The following PCP4L1 variants were observed in gnomAD, a reference collection of about 807,000 sequenced individuals.
PCP4L1 encodes Purkinje cell protein 4-like protein 1.
A neutral mutation model predicts 9.6 loss-of-function variants in PCP4L1; 9 were observed. That is an observed-to-expected ratio of 0.94 (90% CI 0.57 to 1.64). The LOEUF is 1.64. PCP4L1 is among the 40% of genes most tolerant of loss of function. The pLI is 0.00. For synonymous variants in PCP4L1, 31 were observed against 28.2 expected, an observed-to-expected ratio of 1.10 and a Z score of -0.31; for missense variants, 81 against 80.8, an observed-to-expected ratio of 1.00 and a Z score of -0.01.
Position 161,258,777 on chromosome 1 carries a change from C to A in PCP4L1, c.-198C>A. On this transcript the variant is annotated 5_prime_UTR_variant, in exon 1 of 3. Coordinates refer to ENST00000504449, the MANE Select transcript of PCP4L1 (RefSeq NM_001102566.2). Reference sequence around the variant, plus strand: ...TCTGACAGGACGGGTCGCAGGGGGTCGCCTGGCCGGAGCTGGGCTCCGAGA... The same window carrying A: ...TCTGACAGGACGGGTCGCAGGGGGTAGCCTGGCCGGAGCTGGGCTCCGAGA... 1 of 824,308 alleles carries A rather than the reference C, an allele frequency of 1.2e-6. No homozygotes were observed. Among genetic ancestry groups the A allele is most frequent in the Non-Finnish European group, 1.9e-6 (1 of 525,236 alleles). 51.1% of individuals were successfully genotyped at this position (824,308 alleles called of 1,614,324 possible).
At chr1:161,282,160 G>A (rs966487572) in intron 1 of PCP4L1, among the ~76,000 whole-genome samples, 1 of 152,130 alleles carries the variant, frequency 6.6e-6, no homozygotes, top group African/African-American at 2.4e-5. Context: ...CGAGGCTGGC[G>A]GATCACTCGC....
intron 1 of PCP4L1, among the ~76,000 whole-genome samples, chr1:161,267,026 T>A (rs1340400157): frequency 2.0e-5 from 3 of 152,144 alleles, no homozygotes; most frequent in African/African-American, 7.2e-5. Flanking sequence ...TTGTCGCCAC[T>A]TGGAAGCAGA....
chr1:161,283,762 CTG>C, intron 2 of PCP4L1, 40 bp downstream of exon 2: 1 of 1,565,060 alleles, frequency 6.4e-7, no homozygotes, highest in South Asian at 1.2e-5. Flanking sequence ...GAGCAGGTGA[CTG>C]TAGAGACATA....
chr1:161,263,501 G>A lies in PCP4L1; in HGVS notation c.9+4518G>A, dbSNP rs12743091. ...TGATCTGCCCACCTCGGCTCCCAAAGTGCTGGGATTACAGGGGTGAGCCAC... is the reference window on the plus strand; with the variant it reads ...TGATCTGCCCACCTCGGCTCCCAAAATGCTGGGATTACAGGGGTGAGCCAC... On this transcript the variant is annotated intron_variant, in intron 1 of 2. Transcript: ENST00000504449. 9.5e-3 allele frequency among the ~76,000 whole-genome samples: 1,445 copies of A among 152,154 alleles called. 7 individuals carry two copies. Among genetic ancestry groups the A allele is most frequent in the Middle Eastern group, 0.02 (6 of 294 alleles).
At chr1:161,266,000 A>G (rs1239536482) in intron 1 of PCP4L1, among the ~76,000 whole-genome samples, 1 of 152,006 alleles carries the variant, frequency 6.6e-6, no homozygotes, top group Non-Finnish European at 1.5e-5. Flanking sequence ...TCGGCCTCCC[A>G]AAGTGCTGGG....
chr1:161,276,773 AATATAC>A (rs1300813637), intron 1 of PCP4L1, among the ~76,000 whole-genome samples: 5 of 151,246 alleles, frequency 3.3e-5, no homozygotes, highest in Non-Finnish European at 7.4e-5. Context: ...ATATATAAAA[AATATAC>A]ATATAAATAT....
intron 1 of PCP4L1, among the ~76,000 whole-genome samples, chr1:161,262,792 T>G (rs1445555480): frequency 6.6e-6 from 1 of 152,208 alleles, no homozygotes; most frequent in Non-Finnish European, 1.5e-5. Flanking sequence ...GAGATAGAGT[T>G]GCAGGCAGAG....
Position 161,284,672 on chromosome 1 carries a change from C to A in PCP4L1, c.*191C>A. On this transcript the variant is annotated 3_prime_UTR_variant, in exon 3 of 3. Coordinates refer to ENST00000504449, the MANE Select transcript of PCP4L1 (RefSeq NM_001102566.2). ...ACAAGAGAGGTGGAGAAGATGAAGA[C>A]TTCAATCAGCAGTCACTAGTCTAAG... The A allele has an allele frequency of 1.4e-6, 1 of 718,582 alleles. No homozygotes were observed. Among genetic ancestry groups the A allele is most frequent in the Non-Finnish European group, 2.3e-6 (1 of 436,232 alleles). The allele number at this position is 718,582 out of a possible 1,614,324, so 44.5% of individuals were successfully genotyped here. A position where few individuals can be genotyped will look rare whatever the true frequency, so the allele number is the denominator to read the frequency against.
intron 2 of PCP4L1, 65 bp downstream of exon 2, chr1:161,283,787 G>A: frequency 6.7e-7 from 1 of 1,482,082 alleles, no homozygotes; most frequent in African/African-American, 1.4e-5. Context: ...GACAAGTAGG[G>A]TGAGTCTGGA....
chr1:161,269,905 G>A (rs1302556936), intron 1 of PCP4L1, among the ~76,000 whole-genome samples: 1 of 152,084 alleles, frequency 6.6e-6, no homozygotes, highest in Non-Finnish European at 1.5e-5. Context: ...AAGCTGAGGT[G>A]TGAGGATTGC....
intron 1 of PCP4L1, among the ~76,000 whole-genome samples, chr1:161,273,474 G>C (rs539727415): frequency 6.6e-6 from 1 of 152,246 alleles, no homozygotes; most frequent in African/African-American, 2.4e-5. Flanking sequence ...GTCCTATGTG[G>C]GCAGTGAGGC....
In PCP4L1 at chr1:161,278,749, C is replaced by A. The variant is rs116554328; in HGVS notation, c.10-4919C>A. The stretch of plus-strand genomic sequence containing the variant: ...CCTAACCTCATTTCTTATACTCTCT[C>A]CCTTACATAGCTCCAGCCATGATGG... On this transcript the variant is annotated intron_variant, in intron 1 of 2. Transcript: ENST00000504449. Among the ~76,000 whole-genome samples the A allele has an allele frequency of 2.8e-3, 423 of 152,304 alleles. 2 individuals carry two copies. The highest frequency in any genetic ancestry group is 9.6e-3 in the African/African-American group (401 of 41,560).
chr1:161,275,110 A>C (rs922011305), intron 1 of PCP4L1, among the ~76,000 whole-genome samples: 6 of 152,130 alleles, frequency 3.9e-5, no homozygotes, highest in East Asian at 1.9e-4. Context: ...GGGCAGAGGG[A>C]AAGTGGCAGC....
intron 1 of PCP4L1, among the ~76,000 whole-genome samples, chr1:161,279,325 A>G (rs1669755970): frequency 6.6e-6 from 1 of 152,178 alleles, no homozygotes; most frequent in South Asian, 2.1e-4. Flanking sequence ...AAGTGCAGGG[A>G]CTTTCTTTTG....
intron 1 of PCP4L1, among the ~76,000 whole-genome samples, chr1:161,277,304 C>T (rs535753901): frequency 9.4e-4 from 143 of 152,298 alleles, no homozygotes; most frequent in Admixed American, 3.2e-3. Flanking sequence ...TTTGTGTCAG[C>T]ATGTGACAAT....
intron 1 of PCP4L1, among the ~76,000 whole-genome samples, chr1:161,279,676 A>G (rs1232792533): frequency 6.6e-6 from 1 of 152,190 alleles, no homozygotes; most frequent in Non-Finnish European, 1.5e-5. Context: ...CAGTTTTTGT[A>G]TTTTGTTAAA....
At chr1:161,270,467 AGAT>A (rs1364707792) in intron 1 of PCP4L1, among the ~76,000 whole-genome samples, 4 of 151,268 alleles carry the variant, frequency 2.6e-5, no homozygotes, top group African/African-American at 4.9e-5. Context: ...CTAACCCCCA[AGAT>A]GATGATACTA....
intron 1 of PCP4L1, among the ~76,000 whole-genome samples, chr1:161,277,853 C>T (rs1397358892): frequency 2.0e-5 from 3 of 152,192 alleles, no homozygotes; most frequent in African/African-American, 7.2e-5. Flanking sequence ...TCTCAGCTGA[C>T]AACTGTCTTT....
intron 1 of PCP4L1, among the ~76,000 whole-genome samples, chr1:161,278,989 C>T (rs780644318): frequency 1.1e-4 from 17 of 152,122 alleles, no homozygotes; most frequent in Non-Finnish European, 2.1e-4. Context: ...CACCATGTTG[C>T]CCAGGCTGGT....
Sources: gnomAD v4.1 joint callset for allele counts (sites outside exome capture counted in the v4.1 genomes callset) on GRCh38, gnomAD v4.1.1 for gene constraint, MANE v1.5 for transcripts, NCBI Gene and HGNC (gene_info 2026-07-23, HGNC 2026-07-21) for gene names.